The following SLC2A9 variants were observed in gnomAD, a reference collection of about 807,000 sequenced individuals.
The protein encoded by SLC2A9 is solute carrier family 2 member 9.
In SLC2A9, 39 loss-of-function variants were observed where a neutral mutation model predicts 50.6. The ratio of observed to expected loss-of-function variants is 0.77; its 90% confidence interval spans 0.60 to 1.01. SLC2A9 has a LOEUF of 1.01. Among genes scored for constraint, SLC2A9 ranks in the 50% least tolerant of loss-of-function variants. SLC2A9 has a pLI of 0.00. For missense variants in SLC2A9, 686 were observed against 677.6 expected (o/e 1.01, Z -0.14); for synonymous variants, 324 against 276.9 (o/e 1.17, Z -1.69).
intron 1 of SLC2A9, among the ~76,000 whole-genome samples, chr4:10,038,190 G>A (rs887490502): frequency 3.3e-5 from 5 of 152,032 alleles, no homozygotes; most frequent in African/African-American, 1.2e-4. Context: ...TGTGAAGTGT[G>A]TGTGAGGGGT....
intron 3 of SLC2A9, chr4:9,782,515 C>A: frequency 6.2e-7 from 1 of 1,613,990 alleles, no homozygotes; most frequent in Non-Finnish European, 8.5e-7. Flanking sequence ...TCATGGTCGG[C>A]CTGGCATGGA....
chr4:9,931,942 C>CTCTCTCTCAATCTCTCTCTCTCTCAA (rs1746070831), intron 6 of SLC2A9, among the ~76,000 whole-genome samples: 1 of 59,792 alleles, frequency 1.7e-5, no homozygotes, highest in African/African-American at 1.0e-4. Context: ...CTCTCTCTCT[C>CTCTCTCTCAATCTCTCTCTCTCTCAA]TCTCTCTCTC....
intron 5 of SLC2A9, among the ~76,000 whole-genome samples, chr4:9,957,212 CA>C (rs1751464998): frequency 6.6e-6 from 1 of 151,744 alleles, no homozygotes; most frequent in Non-Finnish European, 1.5e-5. Context: ...AACAGGAGGC[CA>C]AAAACATGAA....
At chr4:9,948,850 T>C (rs894862997) in intron 5 of SLC2A9, among the ~76,000 whole-genome samples, 1 of 152,198 alleles carries the variant, frequency 6.6e-6, no homozygotes, top group Non-Finnish European at 1.5e-5. Flanking sequence ...GGGTCTCTTT[T>C]CTGGGGAACT....
intron 2 of SLC2A9, among the ~76,000 whole-genome samples, chr4:10,014,945 G>C (rs1255753476): frequency 2.0e-5 from 3 of 152,224 alleles, no homozygotes; most frequent in Non-Finnish European, 4.4e-5. Context: ...CCCATAGGGA[G>C]GGGAAGAGTT....
intron 5 of SLC2A9, among the ~76,000 whole-genome samples, chr4:9,975,092 A>G (rs1208812745): frequency 6.6e-6 from 1 of 152,234 alleles, no homozygotes; most frequent in African/African-American, 2.4e-5. Flanking sequence ...TTTACCATAT[A>G]CAAAAATTAA....
chr4:9,970,319 C>T lies in SLC2A9; in HGVS notation c.681+10273G>A, dbSNP rs148968285. The stretch of plus-strand genomic sequence containing the variant: ...AGGGAGCCTTGCAGAAGTCAGCCAG[C>T]CAACTCGGGTGGCAGTCACAGGTTG... On this transcript the variant is annotated intron_variant, in intron 5 of 11. Transcript: ENST00000264784. 4.2e-3 allele frequency among the ~76,000 whole-genome samples: 634 copies of T among 152,262 alleles called. 6 individuals are homozygous for T. Among genetic ancestry groups the T allele is most frequent in the Middle Eastern group, 0.017 (5 of 294 alleles).
At chr4:9,842,884 G>A (rs1002633315) in intron 10 of SLC2A9, among the ~76,000 whole-genome samples, 4 of 152,140 alleles carry the variant, frequency 2.6e-5, no homozygotes, top group African/African-American at 9.7e-5. Flanking sequence ...TTATGTGCCA[G>A]TTGATCCCAG....
intron 7 of SLC2A9, among the ~76,000 whole-genome samples, chr4:9,918,791 C>G (rs553995537): frequency 8.1e-4 from 123 of 152,294 alleles, no homozygotes; most frequent in African/African-American, 2.9e-3. Flanking sequence ...TGGTCCAGAG[C>G]TCTGCTCCAG....
In SLC2A9 at chr4:9,838,579, G is replaced by T. The variant is rs114550780; in HGVS notation, c.1292-3571C>A. Reference sequence around the variant, plus strand: ...CTAAGCAAAAAGAACAAAGCTGGGGGCATCATACTACCTGACTTAAAACAA... The same window carrying T: ...CTAAGCAAAAAGAACAAAGCTGGGGTCATCATACTACCTGACTTAAAACAA... On this transcript the variant is annotated intron_variant, in intron 10 of 11. Coordinates refer to ENST00000264784, the MANE Select transcript of SLC2A9 (RefSeq NM_020041.3). Among the ~76,000 whole-genome samples the T allele has an allele frequency of 9.8e-3, 1,494 of 152,240 alleles. 29 individuals carry two copies. Among genetic ancestry groups the T allele is most frequent in the African/African-American group, 0.034 (1,411 of 41,534 alleles).
upstream of SLC2A9, among the ~76,000 whole-genome samples, chr4:10,023,961 G>C (rs183043403): frequency 6.6e-6 from 1 of 152,276 alleles, no homozygotes; most frequent in East Asian, 1.9e-4. Flanking sequence ...CAGATGTTCT[G>C]GGCTGGGGCA....
At chr4:9,970,811 C>T (rs1753782855) in intron 5 of SLC2A9, among the ~76,000 whole-genome samples, 1 of 152,178 alleles carries the variant, frequency 6.6e-6, no homozygotes. Context: ...GGCGCCAGAC[C>T]CAAAACCGGA....
intron 3 of SLC2A9, among the ~76,000 whole-genome samples, chr4:9,805,980 T>G (rs1577339455): frequency 6.6e-6 from 1 of 152,210 alleles, no homozygotes; most frequent in Non-Finnish European, 1.5e-5. Flanking sequence ...AAGTACGCGG[T>G]GGAGCCTGGA....
intron 1 of SLC2A9, among the ~76,000 whole-genome samples, chr4:10,033,337 G>A (rs959523726): frequency 3.3e-5 from 5 of 151,990 alleles, no homozygotes; most frequent in Non-Finnish European, 5.9e-5. Flanking sequence ...ACTCCCAGGC[G>A]GCTTCCTTCT....
intron 10 of SLC2A9, among the ~76,000 whole-genome samples, chr4:9,887,281 T>C (rs760737655): frequency 4.6e-5 from 7 of 152,372 alleles, no homozygotes; most frequent in East Asian, 1.9e-4. Context: ...CACAAACCAG[T>C]GTCACCTCTG....
intron 1 of SLC2A9, among the ~76,000 whole-genome samples, chr4:10,020,227 T>A (rs917870187): frequency 6.6e-6 from 1 of 152,080 alleles, no homozygotes; most frequent in African/African-American, 2.4e-5. Context: ...CTCGTTTGTC[T>A]CCTCTAGTGC....
At chr4:9,994,459 TC>T (rs1758261414) in intron 3 of SLC2A9, among the ~76,000 whole-genome samples, 1 of 152,090 alleles carries the variant, frequency 6.6e-6, no homozygotes, top group Non-Finnish European at 1.5e-5. Context: ...AACCAACACA[TC>T]CTTTGATCTG....
chr4:9,786,955 C>T (rs190878311), intron 3 of SLC2A9, among the ~76,000 whole-genome samples: 9 of 152,304 alleles, frequency 5.9e-5, no homozygotes, highest in Non-Finnish European at 8.8e-5. Flanking sequence ...TTGCAGCACT[C>T]GAGAGGACTT....
chr4:9,777,243 T>C (rs1318943122), downstream of SLC2A9, among the ~76,000 whole-genome samples: 1 of 151,680 alleles, frequency 6.6e-6, no homozygotes, highest in African/African-American at 2.4e-5. Flanking sequence ...CTAGCTGAAA[T>C]GGCAATCTTG....
Sources: allele counts gnomAD v4.1 joint callset (sites outside exome capture counted in the v4.1 genomes callset), GRCh38; gene constraint gnomAD v4.1.1; transcripts MANE v1.5; gene names NCBI Gene and HGNC (gene_info 2026-07-23, HGNC 2026-07-21).